Variants in SMOC2 observed in about 807,000 individuals in gnomAD.
The protein encoded by SMOC2 is SPARC related modular calcium binding 2.
A neutral mutation model predicts 61.4 loss-of-function variants in SMOC2; 39 were observed. The observed-to-expected ratio is 0.64, with a 90% CI of 0.49 to 0.83. The LOEUF is 0.83. Ranked by LOEUF, SMOC2 falls within the 40% of genes least tolerant of loss-of-function variation. The probability of loss-of-function intolerance (pLI) is 0.00; values close to 1 mark genes in which losing one functional copy is unlikely to be tolerated. For synonymous variants in SMOC2, 247 were observed against 239.9 expected (o/e 1.03, Z -0.27); for missense variants, 556 against 592.9 (o/e 0.94, Z 0.65).
At chr6:168,596,852 A>G (rs1785347185) in intron 7 of SMOC2, among the ~76,000 whole-genome samples, 1 of 152,276 alleles carries the variant, frequency 6.6e-6, no homozygotes, top group Admixed American at 6.5e-5. Flanking sequence ...TTTGCTGAGC[A>G]AAACCTGGAG....
chr6:168,456,502 C>T (rs1294923389), intron 1 of SMOC2, among the ~76,000 whole-genome samples: 1 of 152,174 alleles, frequency 6.6e-6, no homozygotes, highest in African/African-American at 2.4e-5. Flanking sequence ...CTCACGGCAC[C>T]CCAGCAGGGT....
chr6:168,489,115 A>G (rs544165966), intron 1 of SMOC2, among the ~76,000 whole-genome samples: 6 of 142,576 alleles, frequency 4.2e-5, no homozygotes, highest in Non-Finnish European at 3.0e-5. Context: ...GAAATATATC[A>G]AATCGTCTGG....
At position 168,544,170 on chromosome 6, in the gene SMOC2, G is replaced by A. The variant is rs1032282325; in HGVS notation, c.511+498G>A. 7.9e-5 allele frequency among the ~76,000 whole-genome samples: 12 copies of A among 152,134 alleles called. No individual in the cohort carries two copies. The highest frequency in any genetic ancestry group is 2.9e-4 in the African/African-American group (12 of 41,404). On this transcript the variant is annotated intron_variant, in intron 5 of 12. Transcript: ENST00000356284. The surrounding 1 kb of genome is among the most constrained non-coding windows in gnomAD (Gnocchi z 4.1). ...CATCATGTCGCAGCCTGCAGGTCCT[G>A]TTTCGGGGTCTGCGGGGTCTGTCAC...
intron 7 of SMOC2, among the ~76,000 whole-genome samples, chr6:168,577,981 A>T (rs1303247545): frequency 6.6e-6 from 1 of 152,212 alleles, no homozygotes; most frequent in Non-Finnish European, 1.5e-5. Context: ...GAACCCTTGG[A>T]TTGCATTCTG....
intron 9 of SMOC2, among the ~76,000 whole-genome samples, chr6:168,634,380 G>C (rs1010971852): frequency 1.3e-5 from 2 of 152,168 alleles, no homozygotes; most frequent in Non-Finnish European, 2.9e-5. Flanking sequence ...GTGCATCAAG[G>C]GTTGGCTGTA....
chr6:168,573,426 T>C (rs576216911), intron 7 of SMOC2, among the ~76,000 whole-genome samples: 123 of 126,528 alleles, frequency 9.7e-4, no homozygotes, highest in African/African-American at 2.8e-3. Flanking sequence ...TGCCCGCATC[T>C]CCGGGTGCTG....
At position 168,609,395 on chromosome 6, in the gene SMOC2, A is replaced by G. The variant is rs142049932; in HGVS notation, c.907+1156A>G. 7.9e-5 allele frequency among the ~76,000 whole-genome samples: 12 copies of G among 152,060 alleles called. No individual in the cohort carries two copies. In the Admixed American group the frequency reaches 7.9e-4, roughly 10 times the overall value. ...AGTATGGTCCTTGTGTGAGCAATCAACTTGCTTTCTGTTGAATGAATCAGC... is the reference window on the plus strand; with the variant it reads ...AGTATGGTCCTTGTGTGAGCAATCAGCTTGCTTTCTGTTGAATGAATCAGC... On this transcript the variant is annotated intron_variant, in intron 9 of 12. Transcript: ENST00000356284.
At chr6:168,590,897 AT>A (rs1490991934) in intron 7 of SMOC2, among the ~76,000 whole-genome samples, 1 of 152,160 alleles carries the variant, frequency 6.6e-6, no homozygotes, top group African/African-American at 2.4e-5. Context: ...ACGAACTCAT[AT>A]TTTTTTAATA....
intron 1 of SMOC2, among the ~76,000 whole-genome samples, chr6:168,447,629 A>T (rs2114990234): frequency 6.6e-6 from 1 of 152,224 alleles, no homozygotes; most frequent in South Asian, 2.1e-4. Context: ...TTAACATTTG[A>T]GGTTCTTAGA....
chr6:168,563,426 C>CA (rs1163684454), intron 7 of SMOC2, among the ~76,000 whole-genome samples: 2 of 152,066 alleles, frequency 1.3e-5, no homozygotes, highest in African/African-American at 2.4e-5. Context: ...TATACACACA[C>CA]ACGTACATAG....
chr6:168,446,642 G>A (rs2114989270), intron 1 of SMOC2, among the ~76,000 whole-genome samples: 1 of 152,272 alleles, frequency 6.6e-6, no homozygotes, highest in Admixed American at 6.5e-5. Flanking sequence ...TAATATTTTT[G>A]TTGATTCCTA....
intron 1 of SMOC2, among the ~76,000 whole-genome samples, chr6:168,477,644 G>A (rs1782118761): frequency 6.6e-6 from 1 of 152,126 alleles, no homozygotes; most frequent in Non-Finnish European, 1.5e-5. Flanking sequence ...GTTTCTTATT[G>A]TCTGTGCGCC....
intron 7 of SMOC2, among the ~76,000 whole-genome samples, chr6:168,554,037 C>T (rs1165330132): frequency 7.1e-6 from 1 of 141,642 alleles, no homozygotes; most frequent in Non-Finnish European, 1.5e-5. Flanking sequence ...TGCATGTGCA[C>T]GGTGCCCCTT....
chr6:168,510,341 T>C (rs1437782368), intron 2 of SMOC2, among the ~76,000 whole-genome samples: 1 of 152,224 alleles, frequency 6.6e-6, no homozygotes, highest in Non-Finnish European at 1.5e-5. Flanking sequence ...TCAGTTTTTT[T>C]CCCCAAAGTC....
At chr6:168,554,001 G>C (rs192762026) in intron 7 of SMOC2, among the ~76,000 whole-genome samples, 1 of 150,056 alleles carries the variant, frequency 6.7e-6, no homozygotes, top group South Asian at 2.1e-4. Context: ...TCCATGGGAC[G>C]AGTCGGTTAA....
In SMOC2 at chr6:168,464,493, G is replaced by GA. The variant is rs61248003; in HGVS notation, c.84+23046dup. Among the ~76,000 whole-genome samples, 640 of 151,844 alleles carry GA rather than the reference G, an allele frequency of 4.2e-3. 7 individuals carry two copies. The highest frequency in any genetic ancestry group is 0.014 in the African/African-American group (600 of 41,416). On this transcript the variant is annotated intron_variant, in intron 1 of 12. Transcript: ENST00000356284. ...AAAGGGTAGACAGGTTCTCCAATAA[G>GA]AAAAAAACATTTTGGGATCAAGTGA...
chr6:168,622,202 C>T (rs1330209796), intron 9 of SMOC2, among the ~76,000 whole-genome samples: 1 of 151,954 alleles, frequency 6.6e-6, no homozygotes, highest in African/African-American at 2.4e-5. Flanking sequence ...TCCTGACCTC[C>T]TGATCCACCC....
intron 2 of SMOC2, among the ~76,000 whole-genome samples, chr6:168,511,666 G>A (rs146120740): frequency 3.9e-4 from 59 of 152,156 alleles, no homozygotes; most frequent in African/African-American, 1.3e-3. Context: ...ACTCCCTCTG[G>A]AGCCTTGGTC....
intron 1 of SMOC2, among the ~76,000 whole-genome samples, chr6:168,505,394 G>A (rs1284993774): frequency 5.5e-5 from 8 of 145,712 alleles, no homozygotes; most frequent in East Asian, 4.0e-4. Context: ...CTCAGATGCC[G>A]GATGAATGAC....
Sources: gnomAD v4.1 joint callset for allele counts (sites outside exome capture counted in the v4.1 genomes callset) on GRCh38, gnomAD v4.1.1 for gene constraint, Gnocchi (gnomAD v3.1) non-coding constraint, MANE v1.5 for transcripts, NCBI Gene and HGNC (gene_info 2026-07-23, HGNC 2026-07-21) for gene names.